MMP16: variants seen among roughly 807,000 people sequenced by gnomAD.
MMP16 encodes matrix metalloproteinase-16.
In MMP16, 12 loss-of-function variants were observed where a neutral mutation model predicts 67.8. The ratio of observed to expected loss-of-function variants is 0.18; its 90% confidence interval spans 0.11 to 0.29. MMP16 has a LOEUF of 0.29. Among genes scored for constraint, MMP16 ranks in the 10% least tolerant of loss-of-function variants. The pLI is 1.00. For missense variants in MMP16, 475 were observed against 765.7 expected (o/e 0.62, Z 4.48); for synonymous variants, 249 against 255.9 (o/e 0.97, Z 0.26).
chr8:88,327,444 C>G lies in MMP16; in HGVS notation c.-238G>C, dbSNP rs1811559437. The stretch of plus-strand genomic sequence containing the variant: ...GTTCACCATCCTCCGGGGTCAGTCA[C>G]CGGGAACGTGGCGCCTAAGTTCACC... On this transcript the variant is annotated 5_prime_UTR_variant, in exon 1 of 10. Transcript: ENST00000286614. 1 of 493,506 alleles carries G rather than the reference C, an allele frequency of 2.0e-6. No individual in the cohort carries two copies. Among genetic ancestry groups the G allele is most frequent in the Non-Finnish European group, 3.7e-6 (1 of 270,132 alleles). 30.6% of individuals were successfully genotyped at this position (493,506 alleles called of 1,614,324 possible). A position where few individuals can be genotyped will look rare whatever the true frequency, so the allele number is the denominator to read the frequency against.
At chr8:88,290,024 G>A (rs1045981017) in intron 1 of MMP16, among the ~76,000 whole-genome samples, 13 of 151,936 alleles carry the variant, frequency 8.6e-5, no homozygotes, top group Admixed American at 4.6e-4. Flanking sequence ...ATGCCTACTG[G>A]GTGACACAAA....
At chr8:88,284,437 C>T (rs189921192) in intron 1 of MMP16, among the ~76,000 whole-genome samples, 5 of 152,012 alleles carry the variant, frequency 3.3e-5, no homozygotes, top group Admixed American at 2.0e-4. Flanking sequence ...TATACAATGA[C>T]GATACTGACT....
At chr8:88,212,420 C>A (rs1187220645) in intron 1 of MMP16, among the ~76,000 whole-genome samples, 1 of 152,064 alleles carries the variant, frequency 6.6e-6, no homozygotes, top group Non-Finnish European at 1.5e-5. Flanking sequence ...TAGCACAAAA[C>A]AGCTCAAAAC....
intron 6 of MMP16, among the ~76,000 whole-genome samples, chr8:88,114,816 C>T (rs974938497): frequency 6.6e-6 from 1 of 151,828 alleles, no homozygotes. Context: ...AGGAAGCAGG[C>T]CTTAGTTATA....
intron 1 of MMP16, among the ~76,000 whole-genome samples, chr8:88,249,927 A>G (rs2129921192): frequency 6.6e-6 from 1 of 152,230 alleles, no homozygotes. Flanking sequence ...TCTGATTTTC[A>G]ACAAGAATTT....
chr8:88,233,454 C>T (rs1027814019), intron 1 of MMP16, among the ~76,000 whole-genome samples: 1 of 152,140 alleles, frequency 6.6e-6, no homozygotes, highest in African/African-American at 2.4e-5. Context: ...ATAGGAGATA[C>T]CTTGGTTTAT....
intron 1 of MMP16, among the ~76,000 whole-genome samples, chr8:88,236,496 C>T (rs192454489): frequency 1.5e-3 from 231 of 152,240 alleles, no homozygotes; most frequent in Non-Finnish European, 6.3e-4. Context: ...GTGGCTCATT[C>T]CTGTAATCCC....
At position 88,272,673 on chromosome 8, in the gene MMP16, C is replaced by T. The variant is rs911170240; in HGVS notation, c.132+54402G>A. ...GTTGTCACAAGGAACGGGAAAGTGG[C>T]CAAAACAAGATGCAGAACAATTGTG... On this transcript the variant is annotated intron_variant, in intron 1 of 9. Transcript: ENST00000286614. 5.3e-5 allele frequency among the ~76,000 whole-genome samples: 8 copies of T among 152,184 alleles called. No individual in the cohort carries two copies. The South Asian group carries it at 1.7e-3, about 32-fold the overall frequency.
chr8:88,167,520 TA>T, intron 4 of MMP16, 148 bp downstream of exon 4: 1 of 716,654 alleles, frequency 1.4e-6, no homozygotes, highest in East Asian at 2.8e-5. Flanking sequence ...ATTCTTATCC[TA>T]AAATGCTATA....
chr8:88,158,355 A>G (rs541789677), intron 4 of MMP16, among the ~76,000 whole-genome samples: 1 of 152,216 alleles, frequency 6.6e-6, no homozygotes, highest in South Asian at 2.1e-4. Flanking sequence ...CTTTCTAATG[A>G]TCGCCATTTT....
intron 4 of MMP16, among the ~76,000 whole-genome samples, chr8:88,163,722 T>C (rs1563551011): frequency 1.3e-5 from 2 of 152,098 alleles, no homozygotes; most frequent in Non-Finnish European, 2.9e-5. Context: ...AATGTCCTAT[T>C]GTTGCTCAAA....
intron 3 of MMP16, 56 bp downstream of exon 3, chr8:88,186,420 A>G: frequency 1.2e-6 from 2 of 1,602,328 alleles, no homozygotes; most frequent in South Asian, 1.1e-5. Context: ...CTATGTGTCA[A>G]AACAAATAGT....
intron 8 of MMP16, among the ~76,000 whole-genome samples, chr8:88,051,166 C>G (rs1045493202): frequency 2.0e-5 from 3 of 152,060 alleles, no homozygotes; most frequent in Non-Finnish European, 4.4e-5. Context: ...ATAAAAGGTG[C>G]TGAGGCTTAC....
chr8:88,132,770 C>A (rs1808053923), intron 4 of MMP16, among the ~76,000 whole-genome samples: 1 of 151,808 alleles, frequency 6.6e-6, no homozygotes, highest in Admixed American at 6.6e-5. Flanking sequence ...AGGATTATAC[C>A]AAGGCATAAT....
chr8:88,230,312 C>T (rs986057787), intron 1 of MMP16, among the ~76,000 whole-genome samples: 7 of 151,966 alleles, frequency 4.6e-5, no homozygotes, highest in African/African-American at 7.3e-5. Flanking sequence ...TAAAAATAAA[C>T]GAATTTAAGT....
intron 1 of MMP16, among the ~76,000 whole-genome samples, chr8:88,321,904 G>A (rs1251181749): frequency 6.6e-6 from 1 of 152,084 alleles, no homozygotes; most frequent in African/African-American, 2.4e-5. Context: ...TTCTCCCCCA[G>A]TGCTCAATTA....
intron 6 of MMP16, among the ~76,000 whole-genome samples, chr8:88,087,944 C>A (rs984430266): frequency 9.8e-5 from 14 of 142,614 alleles, no homozygotes; most frequent in Admixed American, 7.8e-4. Context: ...GGTCCTGTCT[C>A]CAAAAAAACC....
chr8:88,273,987 T>A (rs1292375807), intron 1 of MMP16, among the ~76,000 whole-genome samples: 2 of 152,130 alleles, frequency 1.3e-5, no homozygotes, highest in Non-Finnish European at 2.9e-5. Flanking sequence ...ATCATCATCA[T>A]CATCATCAAC....
intron 1 of MMP16, among the ~76,000 whole-genome samples, chr8:88,239,469 AT>A (rs1810000632): frequency 6.6e-6 from 1 of 152,100 alleles, no homozygotes; most frequent in African/African-American, 2.4e-5. Flanking sequence ...ATTGCTAAAA[AT>A]GCAAACCATT....
Sources: allele counts gnomAD v4.1 joint callset (sites outside exome capture counted in the v4.1 genomes callset), GRCh38; gene constraint gnomAD v4.1.1; transcripts MANE v1.5; gene names NCBI Gene and HGNC (gene_info 2026-07-23, HGNC 2026-07-21).